JPH1: variants seen among roughly 807,000 people sequenced by gnomAD.
The protein encoded by JPH1 is junctophilin 1.
In JPH1, 12 loss-of-function variants were observed where a neutral mutation model predicts 53.6. The observed-to-expected ratio is 0.22, with a 90% confidence interval of 0.14 to 0.36. JPH1 has a LOEUF of 0.36. JPH1 is among the 10% of genes least tolerant of loss of function. The probability of loss-of-function intolerance (pLI) is 1.00; values close to 1 mark genes in which losing one functional copy is unlikely to be tolerated. For synonymous variants in JPH1, 375 were observed against 363.8 expected, an observed-to-expected ratio of 1.03 and a Z score of -0.35; for missense variants, 808 against 905.5, an observed-to-expected ratio of 0.89 and a Z score of 1.38.
At chr8:74,272,925 T>C (rs918737452) in intron 2 of JPH1, among the ~76,000 whole-genome samples, 1 of 151,534 alleles carries the variant, frequency 6.6e-6, no homozygotes, top group Non-Finnish European at 1.5e-5. Context: ...TCTGAGATAC[T>C]ACAAATATAC....
chr8:74,266,160 T>C (rs1806525688), intron 2 of JPH1, among the ~76,000 whole-genome samples: 1 of 152,074 alleles, frequency 6.6e-6, no homozygotes, highest in African/African-American at 2.4e-5. Flanking sequence ...CTCAAAGTGA[T>C]ATTTATACAC....
intron 2 of JPH1, among the ~76,000 whole-genome samples, chr8:74,291,292 TCAAA>T (rs1043200041): frequency 7.9e-5 from 12 of 151,946 alleles, no homozygotes; most frequent in African/African-American, 2.4e-4. Context: ...CAAGAAAAAA[TCAAA>T]CAACCTTATC....
At position 74,240,803 on chromosome 8, in the gene JPH1, A is replaced by T. The variant is rs137957586; in HGVS notation, c.1906-3500T>A. On this transcript the variant is annotated intron_variant, in intron 4 of 5. Transcript: ENST00000342232. The stretch of plus-strand genomic sequence containing the variant: ...TGAAATAGCAGAGAACGTGCCTTCC[A>T]TGAAGCCAACTTCTAAAGTCCAAGG... Among the ~76,000 whole-genome samples, 1,204 of 152,340 alleles carry T rather than the reference A, an allele frequency of 7.9e-3. 12 individuals carry two copies. Among genetic ancestry groups the T allele is most frequent in the Middle Eastern group, 0.034 (10 of 294 alleles).
At chr8:74,268,306 A>C (rs1806594817) in intron 2 of JPH1, among the ~76,000 whole-genome samples, 3 of 152,214 alleles carry the variant, frequency 2.0e-5, no homozygotes, top group Non-Finnish European at 4.4e-5. Context: ...AAGGCACATA[A>C]GAATCTATAT....
intron 2 of JPH1, 89 bp downstream of exon 2, chr8:74,314,772 C>T (rs1808091014): frequency 7.1e-7 from 1 of 1,409,304 alleles, no homozygotes. Flanking sequence ...AAGCATTTAG[C>T]GATGTCACTG....
chr8:74,310,701 T>C (rs971401732), intron 2 of JPH1, among the ~76,000 whole-genome samples: 3 of 152,170 alleles, frequency 2.0e-5, no homozygotes, highest in African/African-American at 7.2e-5. Context: ...TCATGAATCT[T>C]TGGGCCAAAG....
rs192529232 is a variant in JPH1, at chr8:74,318,743, G to A, written c.379+2166C>T. Among the ~76,000 whole-genome samples the A allele has an allele frequency of 1.6e-3, 247 of 152,252 alleles. 1 individual carries two copies. The highest frequency in any genetic ancestry group is 7.7e-4 in the East Asian group (4 of 5,184). On this transcript the variant is annotated intron_variant, in intron 1 of 5. Transcript: ENST00000342232. ...ATGGACATGTGGCGATGGGGAGAGT[G>A]CAAACAAAAACAAGCTAACTCCTTA...
chr8:74,306,604 C>CTTTT (rs5892449), intron 2 of JPH1, among the ~76,000 whole-genome samples: 3 of 147,370 alleles, frequency 2.0e-5, no homozygotes, highest in Non-Finnish European at 1.5e-5. Context: ...TCTACACTAA[C>CTTTT]TTTTTTTTTT....
intron 2 of JPH1, among the ~76,000 whole-genome samples, chr8:74,267,418 T>C (rs1212995017): frequency 6.6e-6 from 1 of 152,188 alleles, no homozygotes. Flanking sequence ...ATCCTGGGCT[T>C]CTTTTAGGAG....
In JPH1 at chr8:74,249,820, G is replaced by GAAATGC. The variant is rs538520016; in HGVS notation, c.1259-4651_1259-4646dup. Among the ~76,000 whole-genome samples the GAAATGC allele has an allele frequency of 1.9e-4, 29 of 152,248 alleles. No homozygotes were observed. In the East Asian group the frequency reaches 5.2e-3, roughly 27 times the overall value. ...TTCTGAAGTCTTCTAATTCATACCAGAAATGCAAGCTTAGTTAACACTGGT... is the reference window on the plus strand; with the variant it reads ...TTCTGAAGTCTTCTAATTCATACCAGAAATGCAAATGCAAGCTTAGTTAACACTGGT... On this transcript the variant is annotated intron_variant, in intron 3 of 5. Transcript: ENST00000342232.
At chr8:74,306,017 G>GTT (rs111774967) in intron 2 of JPH1, among the ~76,000 whole-genome samples, 7 of 151,954 alleles carry the variant, frequency 4.6e-5, no homozygotes, top group African/African-American at 1.5e-4. Context: ...GTTTTGTTTT[G>GTT]TTTTGTTTTA....
intron 2 of JPH1, among the ~76,000 whole-genome samples, chr8:74,297,239 G>A (rs768061406): frequency 6.6e-6 from 1 of 152,136 alleles, no homozygotes; most frequent in Non-Finnish European, 1.5e-5. Context: ...AGACTCCGAC[G>A]GGCAAGGAGT....
intron 2 of JPH1, among the ~76,000 whole-genome samples, chr8:74,280,091 C>T (rs562004728): frequency 6.6e-6 from 1 of 152,188 alleles, no homozygotes; most frequent in Admixed American, 6.5e-5. Flanking sequence ...GATAAAGAAT[C>T]TTAAATAATG....
chr8:74,270,092 AT>A (rs3032978), intron 2 of JPH1, among the ~76,000 whole-genome samples: 3 of 150,902 alleles, frequency 2.0e-5, no homozygotes, highest in South Asian at 2.1e-4. Flanking sequence ...CTCCCAATGT[AT>A]TTTTTTTTAA....
Position 74,315,337 on chromosome 8 carries a change from C to A in JPH1, c.663G>T (p.Met221Ile). ...ACTTGGATTCGGACTTGCGAAGTTTCATGCTTCCAAGAAGGGAGCCCCTCC... is the reference window on the plus strand; with the variant it reads ...ACTTGGATTCGGACTTGCGAAGTTTAATGCTTCCAAGAAGGGAGCCCCTCC... ...LFRRGSLLGS[M>I]KLRKSESKSS... The change falls in exon 2 of 6, where the codon ATG becomes ATT. Residue 221 changes from methionine (M) to isoleucine (I), a missense_variant. Met to Ile is a conservative substitution (Grantham distance 10). Coordinates refer to ENST00000342232, the MANE Select transcript of JPH1 (RefSeq NM_020647.4). The surrounding 1 kb of genome is among the most constrained non-coding windows in gnomAD (Gnocchi z 6.3). The A allele has an allele frequency of 1.9e-6, 3 of 1,613,640 alleles. No individual in the cohort carries two copies. Among genetic ancestry groups the A allele is most frequent in the Non-Finnish European group, 2.5e-6 (3 of 1,180,030 alleles).
At position 74,279,200 on chromosome 8, in the gene JPH1, G is replaced by T. The variant is rs1327854831; in HGVS notation, c.1140-19697C>A. ...ACCATTCCTTGAGAAACAAAGACCTGGTGTGAGGTGGACTCTGACTTAGCT... is the reference window on the plus strand; with the variant it reads ...ACCATTCCTTGAGAAACAAAGACCTTGTGTGAGGTGGACTCTGACTTAGCT... On this transcript the variant is annotated intron_variant, in intron 2 of 5. Coordinates refer to ENST00000342232, the MANE Select transcript of JPH1 (RefSeq NM_020647.4). 6.6e-5 allele frequency among the ~76,000 whole-genome samples: 10 copies of T among 152,242 alleles called. No individual in the cohort carries two copies. The East Asian group carries it at 1.9e-3, about 29-fold the overall frequency.
chr8:74,239,310 A>C (rs1201295199), intron 4 of JPH1, among the ~76,000 whole-genome samples: 2 of 152,154 alleles, frequency 1.3e-5, no homozygotes, highest in Non-Finnish European at 2.9e-5. Context: ...ATTAAGCTTT[A>C]GTCTGGTCAC....
chr8:74,315,476 A>C lies in JPH1; in HGVS notation c.524T>G (p.Val175Gly), dbSNP rs1563424927. Residue 175 changes from valine to glycine, a missense_variant, in exon 2 of 6, where the codon GTG becomes GGG. Physicochemically the swap from Val to Gly is moderately radical, Grantham distance 109 (BLOSUM62 -3). Transcript: ENST00000342232. This position sits in a 1 kb window ranked among gnomAD's most constrained non-coding sequence, Gnocchi z 6.3. ...SLRSEQSNGSVLHDAAAAADS... is the reference protein window; with the variant it reads ...SLRSEQSNGSGLHDAAAAADS... Reference sequence around the variant, plus strand: ...GGCGGCGGCTGCGGCGTCGTGGAGCACGCTGCCATTGCTCTGCTCGCTGCG... The same window carrying C: ...GGCGGCGGCTGCGGCGTCGTGGAGCCCGCTGCCATTGCTCTGCTCGCTGCG... 11 of 1,607,588 alleles carry C rather than the reference A, an allele frequency of 6.8e-6. No individual in the cohort carries two copies. The highest frequency in any genetic ancestry group is 9.3e-6 in the Non-Finnish European group (11 of 1,177,722).
At chr8:74,318,926 C>T (rs2131470308) in intron 1 of JPH1, among the ~76,000 whole-genome samples, 1 of 152,108 alleles carries the variant, frequency 6.6e-6, no homozygotes, top group Non-Finnish European at 1.5e-5. Flanking sequence ...AGTAGAAAAT[C>T]TATTAGCATA....
Sources: allele counts gnomAD v4.1 joint callset (sites outside exome capture counted in the v4.1 genomes callset), GRCh38; gene constraint gnomAD v4.1.1; non-coding constraint Gnocchi (gnomAD v3.1); transcripts MANE v1.5; gene names NCBI Gene and HGNC (gene_info 2026-07-23, HGNC 2026-07-21).